Variants in KLRG2 observed in about 807,000 individuals in gnomAD.
KLRG2 encodes killer cell lectin-like receptor subfamily G member 2.
KLRG2 carries 39 observed loss-of-function variants against 35.4 expected under a neutral mutation model. That is an observed-to-expected ratio of 1.10 (90% CI 0.85 to 1.44). The LOEUF (loss-of-function observed/expected upper bound fraction) is 1.44, where lower values mean the gene tolerates loss of function less well. KLRG2 is among the 40% of genes most tolerant of loss of function. The probability of loss-of-function intolerance (pLI) is 0.00; values close to 1 mark genes in which losing one functional copy is unlikely to be tolerated. For missense variants in KLRG2, 632 were observed against 570.9 expected (o/e 1.11, Z -1.09); for synonymous variants, 283 against 265.8 (o/e 1.06, Z -0.63).
chr7:139,438,677 ATT>A, the KLRG2 span, among the ~76,000 whole-genome samples: 5 of 142,778 alleles, frequency 3.5e-5, no homozygotes, highest in Admixed American at 7.0e-5. Flanking sequence ...CATTTTGGCA[ATT>A]TTTTTTTTTT....
intron 3 of KLRG2, among the ~76,000 whole-genome samples, chr7:139,454,832 AATAATAATAATAATAAT>A (rs1796435684): frequency 1.4e-5 from 1 of 69,400 alleles, no homozygotes; most frequent in Non-Finnish European, 2.3e-5. Flanking sequence ...TAATAATAAT[AATAATAATAATAATAAT>A]AATAATAATA....
the KLRG2 span, among the ~76,000 whole-genome samples, chr7:139,427,219 A>C: frequency 6.6e-6 from 1 of 152,190 alleles, no homozygotes; most frequent in Admixed American, 6.6e-5. Flanking sequence ...TCAGCAGAGT[A>C]GTACTGGGGC....
rs868709265 is a variant in KLRG2, at chr7:139,483,258, G to T, written c.385C>A (p.Arg129Ser). 1.9e-6 allele frequency: 3 copies of T among 1,555,942 alleles called. No individual in the cohort carries two copies. The highest frequency in any genetic ancestry group is 1.7e-6 in the Non-Finnish European group (2 of 1,162,620). ...WAPMELQVDV[R>S]VKPVGAAGGS... Reference sequence around the variant, plus strand: ...CCGGCCGCGCCCACGGGCTTCACGCGCACATCTACCTGCAGCTCCATGGGC... The same window carrying T: ...CCGGCCGCGCCCACGGGCTTCACGCTCACATCTACCTGCAGCTCCATGGGC... Residue 129 changes from arginine (R) to serine (S), a missense_variant, in exon 1 of 5, where the codon CGC becomes AGC. By Grantham distance (110) the Arg-to-Ser change is moderately radical. Transcript: ENST00000340940.
chr7:139,467,510 G>C (rs1344630222), intron 3 of KLRG2, among the ~76,000 whole-genome samples: 2 of 152,038 alleles, frequency 1.3e-5, no homozygotes, highest in African/African-American at 4.8e-5. Context: ...CTTCTGCCTT[G>C]GTATGCTGTT....
the KLRG2 span, among the ~76,000 whole-genome samples, chr7:139,440,163 G>A: frequency 6.6e-6 from 1 of 152,282 alleles, no homozygotes; most frequent in East Asian, 1.9e-4. Flanking sequence ...AGGCTGGAGT[G>A]CAGTGGCACC....
the KLRG2 span, among the ~76,000 whole-genome samples, chr7:139,434,809 G>T: frequency 1.3e-5 from 2 of 152,102 alleles, no homozygotes; most frequent in Non-Finnish European, 1.5e-5. Flanking sequence ...AACAGACTTC[G>T]GTTTGAGCCC....
chr7:139,442,219 A>T, the KLRG2 span, among the ~76,000 whole-genome samples: 25 of 152,180 alleles, frequency 1.6e-4, no homozygotes, highest in Non-Finnish European at 3.1e-4. Context: ...TCACACAGAC[A>T]AGCCTTGTTT....
chr7:139,483,329 C>A lies in KLRG2; in HGVS notation c.314G>T (p.Arg105Leu), dbSNP rs765965032. 1 of 1,546,056 alleles carries A rather than the reference C, an allele frequency of 6.5e-7. No homozygotes were observed. Among genetic ancestry groups the A allele is most frequent in the South Asian group, 1.2e-5 (1 of 85,322 alleles). The change falls in exon 1 of 5, where the codon CGG becomes CTG. Residue 105 changes from arginine to leucine, a missense_variant. Arg to Leu is a moderately radical substitution (Grantham distance 102). Coordinates refer to ENST00000340940, the MANE Select transcript of KLRG2 (RefSeq NM_198508.4). ...CTCAGCCCCGGGCGCCTCGCCATTC[C>A]GGGGCAGCTTGACCAAGGCAGGGCC... ...SPGPALVKLP[R>L]NGEAPGAEPA...
chr7:139,445,795 G>A, the KLRG2 span, among the ~76,000 whole-genome samples: 5,893 of 90,056 alleles, frequency 0.065, 1,148 homozygotes, highest in African/African-American at 0.34. Context: ...ATATATATGT[G>A]TGTATATATA....
the KLRG2 span, among the ~76,000 whole-genome samples, chr7:139,436,558 T>TGTTCTCCAGGAGCA: frequency 0.39 from 58,544 of 151,950 alleles, 15,604 homozygotes; most frequent in African/African-American, 0.76. Flanking sequence ...TGTGCCGCCA[T>TGTTCTCCAGGAGCA]GATAAAGCTG....
Position 139,483,331 on chromosome 7 carries a change from G to A in KLRG2, c.312C>T (p.Pro104=), listed in dbSNP as rs1275466457. Residue 104 remains proline, a synonymous_variant, in exon 1 of 5, where the codon CCC becomes CCT. Coordinates refer to ENST00000340940, the MANE Select transcript of KLRG2 (RefSeq NM_198508.4). Reference sequence around the variant, plus strand: ...CAGCCCCGGGCGCCTCGCCATTCCGGGGCAGCTTGACCAAGGCAGGGCCCG... The same window carrying A: ...CAGCCCCGGGCGCCTCGCCATTCCGAGGCAGCTTGACCAAGGCAGGGCCCG... ...PSPGPALVKL[P]RNGEAPGAEP... 6.5e-7 allele frequency: 1 copy of A among 1,545,664 alleles called. No individual in the cohort carries two copies. The highest frequency in any genetic ancestry group is 1.2e-5 in the South Asian group (1 of 85,330).
At position 139,483,291 on chromosome 7, in the gene KLRG2, C is replaced by T. The variant is rs1314110092; in HGVS notation, c.352G>A (p.Ala118Thr). 1.9e-6 allele frequency: 3 copies of T among 1,558,034 alleles called. No individual in the cohort carries two copies. The highest frequency in any genetic ancestry group is 1.8e-5 in the Admixed American group (1 of 54,850). Reference protein sequence around the residue: ...EAPGAEPAPSAWAPMELQVDV... With the variant: ...EAPGAEPAPSTWAPMELQVDV... ...ACCTGCAGCTCCATGGGCGCCCAGG[C>T]GCTGGGCGCAGGCTCAGCCCCGGGC... Residue 118 changes from alanine to threonine, a missense_variant, in exon 1 of 5, where the codon GCC (alanine) becomes ACC (threonine). Transcript: ENST00000340940.
the KLRG2 span, among the ~76,000 whole-genome samples, chr7:139,435,744 A>G: frequency 6.6e-6 from 1 of 151,988 alleles, no homozygotes; most frequent in Admixed American, 6.6e-5. Flanking sequence ...TGCTGCTGAG[A>G]CTCACCCGTG....
the KLRG2 span, among the ~76,000 whole-genome samples, chr7:139,430,166 G>A: frequency 6.6e-6 from 1 of 152,214 alleles, no homozygotes; most frequent in Non-Finnish European, 1.5e-5. Context: ...ACTTTGGGAG[G>A]CTGAGGCAGG....
intron 3 of KLRG2, among the ~76,000 whole-genome samples, chr7:139,470,972 A>G (rs779018696): frequency 6.2e-4 from 94 of 151,816 alleles, no homozygotes; most frequent in Non-Finnish European, 1.1e-3. Context: ...TCTCCTGAGT[A>G]GCTGGGATTA....
the KLRG2 span, among the ~76,000 whole-genome samples, chr7:139,432,881 C>T: frequency 6.6e-6 from 1 of 151,952 alleles, no homozygotes; most frequent in Non-Finnish European, 1.5e-5. Flanking sequence ...GTTGAATTCA[C>T]CGACGCAGAA....
the KLRG2 span, among the ~76,000 whole-genome samples, chr7:139,438,834 C>T: frequency 1.3e-5 from 2 of 152,022 alleles, no homozygotes; most frequent in Admixed American, 6.6e-5. Context: ...TGCCACCACA[C>T]CCGGCTAATT....
intron 3 of KLRG2, among the ~76,000 whole-genome samples, chr7:139,461,662 A>T (rs3206856): frequency 1.4e-4 from 21 of 151,114 alleles, no homozygotes; most frequent in Non-Finnish European, 2.7e-4. Flanking sequence ...GCACCTTATG[A>T]CCCCCGCCCC....
intron 2 of KLRG2, 85 bp from the exon 3 acceptor site, chr7:139,479,857 A>G: frequency 6.8e-7 from 1 of 1,466,604 alleles, no homozygotes; most frequent in Non-Finnish European, 9.2e-7. Flanking sequence ...ATGAAGGGGC[A>G]TGGAACTGGC....
Sources: gnomAD v4.1 joint callset for allele counts (sites outside exome capture counted in the v4.1 genomes callset) on GRCh38, gnomAD v4.1.1 for gene constraint, MANE v1.5 for transcripts, NCBI Gene and HGNC (gene_info 2026-07-23, HGNC 2026-07-21) for gene names.